The following ZNF827 variants were observed in gnomAD, a reference collection of about 807,000 sequenced individuals.
ZNF827 encodes the protein zinc finger protein 827.
In ZNF827, 13 loss-of-function variants were observed where a neutral mutation model predicts 102.4. That is an observed-to-expected ratio of 0.13 (90% CI 0.08 to 0.20). The LOEUF is 0.20. Ranked by LOEUF, ZNF827 falls within the 10% of genes least tolerant of loss-of-function variation. The pLI is 1.00. For missense variants in ZNF827, 1,103 were observed against 1,344.4 expected, an observed-to-expected ratio of 0.82 and a Z score of 2.81; for synonymous variants, 523 against 536.2, an observed-to-expected ratio of 0.98 and a Z score of 0.34.
chr4:145,897,401 C>T (rs772862715), intron 2 of ZNF827, among the ~76,000 whole-genome samples: 5 of 152,104 alleles, frequency 3.3e-5, no homozygotes, highest in African/African-American at 4.8e-5. Flanking sequence ...GTGGTTTCTG[C>T]GTATATACCT....
At chr4:145,846,164 C>G in intron 6 of ZNF827, 151 bp from the exon 7 acceptor site, 1 of 731,762 alleles carries the variant, frequency 1.4e-6, no homozygotes, top group South Asian at 1.9e-5. Flanking sequence ...TCCTCCCCAT[C>G]TTACTGGAAA....
chr4:145,792,052 T>C (rs943216969), intron 8 of ZNF827, among the ~76,000 whole-genome samples: 4 of 152,226 alleles, frequency 2.6e-5, no homozygotes, highest in Admixed American at 6.5e-5. Flanking sequence ...TAAAGGCTGA[T>C]AGCCTTGAGG....
At chr4:145,815,072 T>C (rs759886480) in intron 8 of ZNF827, among the ~76,000 whole-genome samples, 43 of 152,216 alleles carry the variant, frequency 2.8e-4, no homozygotes, top group African/African-American at 6.5e-4. Context: ...TATGATGCCA[T>C]CTATTAAGAC....
chr4:145,820,621 T>A (rs907236860), intron 8 of ZNF827, among the ~76,000 whole-genome samples: 3 of 152,200 alleles, frequency 2.0e-5, no homozygotes, highest in African/African-American at 7.2e-5. Context: ...TTCAACGTGC[T>A]TATTAGCAAA....
intron 8 of ZNF827, among the ~76,000 whole-genome samples, chr4:145,817,683 C>T (rs945888782): frequency 3.9e-5 from 6 of 152,162 alleles, no homozygotes; most frequent in Non-Finnish European, 5.9e-5. Context: ...GATGGGGACA[C>T]AGAGCTAAAC....
chr4:145,791,922 T>C (rs1000337483), intron 8 of ZNF827, among the ~76,000 whole-genome samples: 3 of 152,222 alleles, frequency 2.0e-5, no homozygotes, highest in African/African-American at 7.2e-5. Context: ...AAACCCAGGA[T>C]GCCCAACTAG....
In ZNF827 at chr4:145,883,061, T is replaced by TA. The variant is rs35477097; in HGVS notation, c.1747+2616dup. Among the ~76,000 whole-genome samples, 125 of 145,058 alleles carry TA rather than the reference T, an allele frequency of 8.6e-4. 1 individual carries two copies. Among genetic ancestry groups the TA allele is most frequent in the Middle Eastern group, 3.6e-3 (1 of 278 alleles). ...AGACCAACCAGAGGGTAAGTAAAAT[T>TA]AAAAAAAAAAAAAAAATCGCTCTAG... is the stretch of plus-strand genomic sequence containing the variant. On this transcript the variant is annotated intron_variant, in intron 4 of 14. Transcript: ENST00000508784.
intron 11 of ZNF827, among the ~76,000 whole-genome samples, chr4:145,768,730 T>TGGGC (rs1735707879): frequency 6.7e-6 from 1 of 149,232 alleles, no homozygotes; most frequent in Non-Finnish European, 1.5e-5. Flanking sequence ...TGGTGGCATA[T>TGGGC]GCCTGTAATC....
chr4:145,870,510 A>C, intron 4 of ZNF827, 32 bp from the exon 5 acceptor site: 1 of 1,590,300 alleles, frequency 6.3e-7, no homozygotes, highest in Non-Finnish European at 8.6e-7. Flanking sequence ...TTATATATAC[A>C]TAAAAGGCCA....
intron 11 of ZNF827, among the ~76,000 whole-genome samples, chr4:145,772,995 T>C (rs1433274528): frequency 1.3e-5 from 2 of 152,138 alleles, no homozygotes; most frequent in Non-Finnish European, 2.9e-5. Flanking sequence ...ATGGTTTCTA[T>C]GGTGGTATGG....
At chr4:145,863,787 G>A (rs1356416786) in intron 5 of ZNF827, among the ~76,000 whole-genome samples, 1 of 152,162 alleles carries the variant, frequency 6.6e-6, no homozygotes, top group Admixed American at 6.5e-5. Flanking sequence ...TGGGAGCAAT[G>A]AAAATTTTCT....
chr4:145,780,456 G>C (rs1361357970), intron 8 of ZNF827, among the ~76,000 whole-genome samples: 1 of 152,130 alleles, frequency 6.6e-6, no homozygotes, highest in African/African-American at 2.4e-5. Context: ...TCTCATATTT[G>C]GGAAAACAGT....
At chr4:145,857,583 G>A (rs533355507) in intron 5 of ZNF827, among the ~76,000 whole-genome samples, 16 of 152,310 alleles carry the variant, frequency 1.1e-4, no homozygotes, top group African/African-American at 3.6e-4. Flanking sequence ...CTGGTGACCA[G>A]ATATCAGAAT....
chr4:145,781,940 A>T (rs371462076), intron 8 of ZNF827, among the ~76,000 whole-genome samples: 15 of 152,262 alleles, frequency 9.9e-5, no homozygotes, highest in African/African-American at 3.4e-4. Context: ...TTCAAGTATC[A>T]ATCATGTACT....
At chr4:145,839,128 T>C (rs1473741961) in intron 7 of ZNF827, 1 of 152,214 alleles carries the variant, frequency 6.6e-6, no homozygotes, top group African/African-American at 2.4e-5. Flanking sequence ...CTTTGAAAAG[T>C]ATAAATGCCT....
intron 5 of ZNF827, among the ~76,000 whole-genome samples, chr4:145,862,744 G>C (rs1747851478): frequency 6.6e-6 from 1 of 152,184 alleles, no homozygotes; most frequent in Non-Finnish European, 1.5e-5. Context: ...TGGTTTCACA[G>C]GCTTTATATC....
chr4:145,819,834 T>C (rs1742966088), intron 8 of ZNF827: 1 of 152,214 alleles, frequency 6.6e-6, no homozygotes, highest in Admixed American at 6.5e-5. Flanking sequence ...GTGAAAATGT[T>C]AGGTCTTGGC....
At chr4:145,908,572 C>T (rs1247067994) in intron 1 of ZNF827, among the ~76,000 whole-genome samples, 8 of 152,190 alleles carry the variant, frequency 5.3e-5, no homozygotes, top group Admixed American at 4.6e-4. Flanking sequence ...ATCAGTTATA[C>T]TCATAATAAG....
intron 8 of ZNF827, among the ~76,000 whole-genome samples, chr4:145,780,864 A>T (rs553309533): frequency 1.3e-5 from 2 of 152,366 alleles, no homozygotes; most frequent in Non-Finnish European, 2.9e-5. Context: ...ATGTGGTGAT[A>T]ATTGAATGGT....
Sources: allele counts gnomAD v4.1 joint callset (sites outside exome capture counted in the v4.1 genomes callset), GRCh38; gene constraint gnomAD v4.1.1; transcripts MANE v1.5; gene names NCBI Gene and HGNC (gene_info 2026-07-23, HGNC 2026-07-21).